Variants in ADAMTS17 observed in about 807,000 individuals in gnomAD.
The protein encoded by ADAMTS17 is A disintegrin and metalloproteinase with thrombospondin motifs 17.
Under a neutral mutation model 141.5 loss-of-function variants are expected in ADAMTS17, and 113 were observed. The ratio of observed to expected loss-of-function variants is 0.80; its 90% CI spans 0.69 to 0.93. The LOEUF (loss-of-function observed/expected upper bound fraction) is 0.93. ADAMTS17 is among the 40% of genes least tolerant of loss of function. The pLI, the probability that ADAMTS17 is intolerant of heterozygous loss-of-function variation, is 0.00. For synonymous variants in ADAMTS17, 768 were observed against 630.6 expected (o/e 1.22, Z -3.27); for missense variants, 1,659 against 1,517.9 (o/e 1.09, Z -1.54).
chr15:99,981,853 AC>A (rs1196213090), intron 20 of ADAMTS17, among the ~76,000 whole-genome samples: 2 of 152,186 alleles, frequency 1.3e-5, no homozygotes, highest in Non-Finnish European at 2.9e-5. Flanking sequence ...CACCATCCTA[AC>A]CAGCTGCATT....
rs369207510 is a variant in ADAMTS17 at position 100,246,150 on chromosome 15, C to T, written c.1075+7986G>A. Among the ~76,000 whole-genome samples, 66 of 152,284 alleles carry T rather than the reference C, an allele frequency of 4.3e-4. 1 individual carries two copies. Among genetic ancestry groups the T allele is most frequent in the East Asian group, 2.3e-3 (12 of 5,172 alleles). On this transcript the variant is annotated intron_variant, in intron 7 of 21. Transcript: ENST00000268070. ...TTGGCATTCCGGAGGAAATACTCTA[C>T]GGATGCTTAAAGCTAAACCTGTGAG...
intron 18 of ADAMTS17, among the ~76,000 whole-genome samples, chr15:100,005,634 G>C (rs557375736): frequency 6.6e-6 from 1 of 152,220 alleles, no homozygotes; most frequent in South Asian, 2.1e-4. Flanking sequence ...TCTACTTTAA[G>C]GCCAGCTGAT....
At chr15:100,287,208 C>T (rs774853752) in intron 3 of ADAMTS17, among the ~76,000 whole-genome samples, 2 of 152,110 alleles carry the variant, frequency 1.3e-5, no homozygotes, top group Admixed American at 1.3e-4. Flanking sequence ...CAAAAAAGAT[C>T]TGATGGAGCT....
chr15:100,124,983 G>C lies in ADAMTS17; in HGVS notation c.1721+7024C>G, dbSNP rs1281423830. ...GGATGGACAGGTAGAATCAAGAGAG[G>C]CTGGAAGAGAAAGATGCCACTTTTT... On this transcript the variant is annotated intron_variant, in intron 12 of 21. Coordinates refer to ENST00000268070, the MANE Select transcript of ADAMTS17 (RefSeq NM_139057.4). Among the ~76,000 whole-genome samples, 4 of 152,188 alleles carry C rather than the reference G, an allele frequency of 2.6e-5. No homozygotes were observed. The East Asian group carries it at 7.7e-4, about 29-fold the overall frequency.
intron 12 of ADAMTS17, among the ~76,000 whole-genome samples, chr15:100,123,136 G>A (rs372227867): frequency 1.3e-5 from 2 of 152,038 alleles, no homozygotes; most frequent in East Asian, 1.9e-4. Context: ...GTGTGGACAC[G>A]GGGCTTCAGG....
chr15:100,295,433 G>A (rs1182486281), intron 3 of ADAMTS17, among the ~76,000 whole-genome samples: 1 of 152,152 alleles, frequency 6.6e-6, no homozygotes, highest in African/African-American at 2.4e-5. Context: ...TTTCAGCTCA[G>A]TAGGGACAAC....
At chr15:100,132,550 A>G (rs1208694600) in intron 11 of ADAMTS17, among the ~76,000 whole-genome samples, 1 of 152,178 alleles carries the variant, frequency 6.6e-6, no homozygotes, top group Non-Finnish European at 1.5e-5. Flanking sequence ...CTGCTTGGCG[A>G]TGGCACAGCC....
intron 8 of ADAMTS17, 68 bp downstream of exon 8, chr15:100,199,250 T>C: frequency 1.4e-6 from 2 of 1,404,382 alleles, no homozygotes; most frequent in Non-Finnish European, 2.0e-6. Context: ...ACTTACAGAA[T>C]TCAAGTGAAA....
At chr15:100,058,316 C>T (rs1448813957) in intron 15 of ADAMTS17, among the ~76,000 whole-genome samples, 1 of 151,940 alleles carries the variant, frequency 6.6e-6, no homozygotes, top group Non-Finnish European at 1.5e-5. Flanking sequence ...ACCCCTATCC[C>T]GGCTCTAACA....
intron 8 of ADAMTS17, among the ~76,000 whole-genome samples, chr15:100,190,326 G>A (rs1200054140): frequency 6.6e-6 from 1 of 152,196 alleles, no homozygotes; most frequent in Non-Finnish European, 1.5e-5. Context: ...GGCCCTCTCT[G>A]TCTGCCACTG....
chr15:100,156,515 G>A (rs887988338), intron 8 of ADAMTS17, among the ~76,000 whole-genome samples: 1 of 152,190 alleles, frequency 6.6e-6, no homozygotes, highest in Non-Finnish European at 1.5e-5. Context: ...ACCCACATGT[G>A]ACTTCCCCCG....
intron 13 of ADAMTS17, among the ~76,000 whole-genome samples, chr15:100,110,099 C>T (rs1018436999): frequency 6.7e-6 from 1 of 148,352 alleles, no homozygotes; most frequent in African/African-American, 2.6e-5. Context: ...TCTTAGAGGG[C>T]AGGGGACTTA....
chr15:100,152,706 C>G lies in ADAMTS17; in HGVS notation c.1379G>C (p.Arg460Pro). The part of the protein sequence containing the change: ...VTDPRSQHTV[R>P]LPHKLPGMHY... Reference sequence around the variant, plus strand: ...CATGCCCGGCAGCTTGTGCGGGAGGCGTACTGTGTGCTGGCTTCTGGGGTC... The same window carrying G: ...CATGCCCGGCAGCTTGTGCGGGAGGGGTACTGTGTGCTGGCTTCTGGGGTC... Residue 460 changes from arginine to proline, a missense_variant, in exon 10 of 22, where the codon CGC (arginine) becomes CCC (proline). Physicochemically the swap from Arg to Pro is moderately radical, Grantham distance 103 (BLOSUM62 -2). Coordinates refer to ENST00000268070, the MANE Select transcript of ADAMTS17 (RefSeq NM_139057.4). 1 of 1,614,184 alleles carries G rather than the reference C, an allele frequency of 6.2e-7. No individual in the cohort carries two copies. Among genetic ancestry groups the G allele is most frequent in the Non-Finnish European group, 8.5e-7 (1 of 1,180,040 alleles).
At chr15:100,012,600 T>C (rs1219630127) in intron 18 of ADAMTS17, among the ~76,000 whole-genome samples, 1 of 152,232 alleles carries the variant, frequency 6.6e-6, no homozygotes, top group African/African-American at 2.4e-5. Context: ...TTCTCCTACA[T>C]GTGTCTAGCC....
intron 13 of ADAMTS17, among the ~76,000 whole-genome samples, chr15:100,109,516 C>G (rs771220952): frequency 4.0e-5 from 6 of 151,706 alleles, no homozygotes; most frequent in Non-Finnish European, 7.4e-5. Flanking sequence ...ACGAGAATGC[C>G]TCTGAGTGAG....
intron 8 of ADAMTS17, among the ~76,000 whole-genome samples, chr15:100,197,735 T>C (rs947563206): frequency 6.6e-6 from 1 of 152,084 alleles, no homozygotes; most frequent in Non-Finnish European, 1.5e-5. Context: ...CCTACTCACA[T>C]CATGACATAC....
At chr15:100,026,917 T>A (rs28609438) in intron 18 of ADAMTS17, among the ~76,000 whole-genome samples, 2,571 of 152,346 alleles carry the variant, frequency 0.017, 70 homozygotes, top group African/African-American at 0.056. Context: ...ACACCAGCAA[T>A]GACAGAGATT....
At chr15:100,111,430 T>G (rs117936764) in intron 13 of ADAMTS17, among the ~76,000 whole-genome samples, 3,283 of 152,298 alleles carry the variant, frequency 0.022, 49 homozygotes, top group Middle Eastern at 0.041. Flanking sequence ...CTCTGGAAGA[T>G]GGAGACATAT....
chr15:100,046,834 T>A (rs961364918), intron 18 of ADAMTS17, among the ~76,000 whole-genome samples: 1 of 152,188 alleles, frequency 6.6e-6, no homozygotes, highest in Admixed American at 6.5e-5. Context: ...ACAAATTGTT[T>A]GTAGAGCATG....
Sources: gnomAD v4.1 joint callset for allele counts (sites outside exome capture counted in the v4.1 genomes callset) on GRCh38, gnomAD v4.1.1 for gene constraint, MANE v1.5 for transcripts, NCBI Gene and HGNC (gene_info 2026-07-23, HGNC 2026-07-21) for gene names.